The following LOXL3 variants were observed in gnomAD, a reference collection of about 807,000 sequenced individuals.
The protein encoded by LOXL3 is lysyl oxidase like 3, also known as lysyl oxidase homolog 3.
In LOXL3, 60 loss-of-function variants were observed where a neutral mutation model predicts 91.8. That is an observed-to-expected ratio of 0.65 (90% confidence interval 0.53 to 0.81). The LOEUF is 0.81. LOXL3 is among the 30% of genes least tolerant of loss of function. LOXL3 has a pLI of 0.00. For missense variants in LOXL3, 874 were observed against 1,000.4 expected, an observed-to-expected ratio of 0.87 and a Z score of 1.70; for synonymous variants, 355 against 387.6, an observed-to-expected ratio of 0.92 and a Z score of 0.99.
At chr2:74,540,681 T>C (rs1248281029) in intron 4 of LOXL3, among the ~76,000 whole-genome samples, 1 of 146,122 alleles carries the variant, frequency 6.8e-6, no homozygotes, top group African/African-American at 2.6e-5. Context: ...TTTTTTTTGG[T>C]CTTTGAGACA....
chr2:74,554,684 G>A (rs1168260534), upstream of LOXL3: 8 of 1,532,472 alleles, frequency 5.2e-6, no homozygotes, highest in Non-Finnish European at 5.3e-6. This position sits in a 1 kb window ranked among gnomAD's most constrained non-coding sequence, Gnocchi z 4.9. Flanking sequence ...CTCCTCCAGG[G>A]AACCCGGCCC....
chr2:74,542,460 T>C (rs1044777867), intron 4 of LOXL3, among the ~76,000 whole-genome samples: 2 of 152,110 alleles, frequency 1.3e-5, no homozygotes, highest in Admixed American at 6.6e-5. Flanking sequence ...TTCTCAGTCC[T>C]GCATACCATT....
rs1675693960 is a variant in LOXL3 at position 74,532,613 on chromosome 2, T to C, written c.*993A>G. On this transcript the variant is annotated 3_prime_UTR_variant, in exon 14 of 14. Coordinates refer to ENST00000264094, the MANE Select transcript of LOXL3 (RefSeq NM_032603.5). ...TTGGCTAATAGGGTGATCTGTGTACTTTCAGCATCCTTGCTGAACTACAGC... is the reference window on the plus strand; with the variant it reads ...TTGGCTAATAGGGTGATCTGTGTACCTTCAGCATCCTTGCTGAACTACAGC... 1.9e-6 allele frequency: 3 copies of C among 1,612,200 alleles called. No homozygotes were observed. The highest frequency in any genetic ancestry group is 2.5e-6 in the Non-Finnish European group (3 of 1,178,966).
In LOXL3 at chr2:74,535,475, TTC is replaced by T; in HGVS notation, c.1417-23_1417-22del. ...GTCTCCTGGGGACATATGCAGATGTTTCTGTAAGGCCCAGGATCCAGCATCTT... is the reference window on the plus strand; with the variant it reads ...GTCTCCTGGGGACATATGCAGATGTTTGTAAGGCCCAGGATCCAGCATCTT... On this transcript the variant is annotated intron_variant, in intron 8 of 13. Coordinates refer to ENST00000264094, the MANE Select transcript of LOXL3 (RefSeq NM_032603.5). The surrounding 1 kb of genome is among the most constrained non-coding windows in gnomAD (Gnocchi z 4.2). The T allele has an allele frequency of 6.2e-7, 1 of 1,613,458 alleles. No homozygotes were observed. The highest frequency in any genetic ancestry group is 8.5e-7 in the Non-Finnish European group (1 of 1,180,012).
upstream of LOXL3, chr2:74,554,676 C>A: frequency 6.7e-7 from 1 of 1,484,236 alleles, no homozygotes; most frequent in Non-Finnish European, 9.2e-7. This position sits in a 1 kb window ranked among gnomAD's most constrained non-coding sequence, Gnocchi z 4.9. Flanking sequence ...GGCGGAAACT[C>A]CTCCAGGGAA....
Position 74,532,863 on chromosome 2 carries a change from C to G in LOXL3, c.*743G>C. 6.2e-7 allele frequency: 1 copy of G among 1,614,066 alleles called. No homozygotes were observed. Among genetic ancestry groups the G allele is most frequent in the South Asian group, 1.1e-5 (1 of 91,078 alleles). On this transcript the variant is annotated 3_prime_UTR_variant, in exon 14 of 14. Coordinates refer to ENST00000264094, the MANE Select transcript of LOXL3 (RefSeq NM_032603.5). ...TGATGTGATTTTGGCCATTGGGGAG[C>G]AGATGGTACAAAATGCTGAAGATGT...
Position 74,532,508 on chromosome 2 carries a change from G to A in LOXL3, c.*1098C>T. On this transcript the variant is annotated 3_prime_UTR_variant, in exon 14 of 14. Transcript: ENST00000264094. The stretch of plus-strand genomic sequence containing the variant: ...TTGCCATTGTATTTTGTAGTACCTA[G>A]CCCATGTCCTGTCCATATATTTATC... The A allele has an allele frequency of 3.7e-6, 3 of 811,918 alleles. No homozygotes were observed. Among genetic ancestry groups the A allele is most frequent in the Non-Finnish European group, 6.3e-6 (3 of 476,746 alleles). 50.3% of individuals were successfully genotyped at this position (811,918 alleles called of 1,614,324 possible).
chr2:74,532,604 T>C lies in LOXL3; in HGVS notation c.*1002A>G. ...TGCCTGGGTTTGGCTAATAGGGTGA[T>C]CTGTGTACTTTCAGCATCCTTGCTG... On this transcript the variant is annotated 3_prime_UTR_variant, in exon 14 of 14. Coordinates refer to ENST00000264094, the MANE Select transcript of LOXL3 (RefSeq NM_032603.5). 6.2e-7 allele frequency: 1 copy of C among 1,610,542 alleles called. No homozygotes were observed. The highest frequency in any genetic ancestry group is 8.5e-7 in the Non-Finnish European group (1 of 1,177,634).
In LOXL3 at chr2:74,535,229, C is replaced by T; in HGVS notation, c.1579+63G>A. ...GCCCCTCCAGATTACAGCCCCCTTTCCCTGCAAACGGGTGGCCCAGACACT... is the reference window on the plus strand; with the variant it reads ...GCCCCTCCAGATTACAGCCCCCTTTTCCTGCAAACGGGTGGCCCAGACACT... On this transcript the variant is annotated intron_variant, in intron 9 of 13. Transcript: ENST00000264094. This position sits in a 1 kb window ranked among gnomAD's most constrained non-coding sequence, Gnocchi z 4.2. 6.5e-7 allele frequency: 1 copy of T among 1,541,316 alleles called. No individual in the cohort carries two copies. Among genetic ancestry groups the T allele is most frequent in the South Asian group, 1.2e-5 (1 of 81,740 alleles).
intron 4 of LOXL3, among the ~76,000 whole-genome samples, chr2:74,547,482 A>G (rs1397926475): frequency 9.8e-5 from 15 of 152,316 alleles, no homozygotes; most frequent in East Asian, 3.9e-4. Context: ...CAGAGAAGGA[A>G]ATGCAGCCCC....
Position 74,533,939 on chromosome 2 carries a change from T to C in LOXL3, c.2131A>G (p.Met711Val), listed in dbSNP as rs1675820286. The change falls in exon 13 of 14, where the codon ATG becomes GTG. Residue 711 changes from methionine to valine, a missense_variant. Met to Val is a conservative substitution (Grantham distance 21, BLOSUM62 1). Coordinates refer to ENST00000264094, the MANE Select transcript of LOXL3 (RefSeq NM_032603.5). ...VAESDFTNNA[M>V]KCNCKYDGHR... Reference sequence around the variant, plus strand: ...CCATCATATTTGCAGTTACATTTCATTGCATTGTTGGTAAAGTCACTCTCT... The same window carrying C: ...CCATCATATTTGCAGTTACATTTCACTGCATTGTTGGTAAAGTCACTCTCT... The C allele has an allele frequency of 1.9e-6, 3 of 1,614,186 alleles. No individual in the cohort carries two copies. The highest frequency in any genetic ancestry group is 1.7e-6 in the Non-Finnish European group (2 of 1,180,026).
Position 74,535,756 on chromosome 2 carries a change from C to T in LOXL3, c.1249-1G>A. ...GGCTGCGGCCCCCACTGAGTCGGAT[C>T]TGTAGTGACACAGAATGGAAGCGCT... is the stretch of plus-strand genomic sequence containing the variant. On this transcript the variant is annotated splice_acceptor_variant, in intron 7 of 13. Transcript: ENST00000264094. LOFTEE classifies it high-confidence loss of function. The surrounding 1 kb of genome is among the most constrained non-coding windows in gnomAD (Gnocchi z 4.2). 1 of 1,559,370 alleles carries T rather than the reference C, an allele frequency of 6.4e-7. No homozygotes were observed. The highest frequency in any genetic ancestry group is 8.6e-7 in the Non-Finnish European group (1 of 1,160,272).
chr2:74,555,301 T>G, upstream of LOXL3: 1 of 1,613,876 alleles, frequency 6.2e-7, no homozygotes, highest in Non-Finnish European at 8.5e-7. The surrounding 1 kb of genome is among the most constrained non-coding windows in gnomAD (Gnocchi z 6.1). Context: ...TCTGGCTGAG[T>G]GTGTGAGTGT....
chr2:74,538,041 A>G (rs868625900), intron 4 of LOXL3, among the ~76,000 whole-genome samples: 2 of 152,216 alleles, frequency 1.3e-5, no homozygotes, highest in Admixed American at 6.5e-5. Flanking sequence ...CAAAACAGAC[A>G]AAGGAAGCCT....
Position 74,535,472 on chromosome 2 carries a change from T to C in LOXL3, c.1417-18A>G, listed in dbSNP as rs762009154. The stretch of plus-strand genomic sequence containing the variant: ...CAGGTCTCCTGGGGACATATGCAGA[T>C]GTTTCTGTAAGGCCCAGGATCCAGC... On this transcript the variant is annotated intron_variant, in intron 8 of 13. Transcript: ENST00000264094. The surrounding 1 kb of genome is among the most constrained non-coding windows in gnomAD (Gnocchi z 4.2). The C allele has an allele frequency of 1.2e-6, 2 of 1,613,552 alleles. No individual in the cohort carries two copies. Among genetic ancestry groups the C allele is most frequent in the Non-Finnish European group, 1.7e-6 (2 of 1,180,008 alleles).
At position 74,549,734 on chromosome 2, in the gene LOXL3, A is replaced by G; in HGVS notation, c.478-151T>C. 2 of 1,442,642 alleles carry G rather than the reference A, an allele frequency of 1.4e-6. No individual in the cohort carries two copies. The highest frequency in any genetic ancestry group is 9.1e-7 in the Non-Finnish European group (1 of 1,096,542). The allele number at this position is 1,442,642 out of a possible 1,614,324, so 89.4% of individuals were successfully genotyped here. A position where few individuals can be genotyped will look rare whatever the true frequency, so the allele number is the denominator to read the frequency against. ...CTGAGAGAGCGGCCACGATGGCCGCAGTCCGCGGTGTGGACTCTCTTGCAG... is the reference window on the plus strand; with the variant it reads ...CTGAGAGAGCGGCCACGATGGCCGCGGTCCGCGGTGTGGACTCTCTTGCAG... On this transcript the variant is annotated intron_variant, in intron 3 of 13. Coordinates refer to ENST00000264094, the MANE Select transcript of LOXL3 (RefSeq NM_032603.5). The surrounding 1 kb of genome is among the most constrained non-coding windows in gnomAD (Gnocchi z 5.3).
At chr2:74,538,695 T>A (rs1422441400) in intron 4 of LOXL3, among the ~76,000 whole-genome samples, 1 of 152,116 alleles carries the variant, frequency 6.6e-6, no homozygotes, top group Non-Finnish European at 1.5e-5. Context: ...CCATCTCGAG[T>A]AAGCTGGTAG....
At position 74,550,357 on chromosome 2, in the gene LOXL3, G is replaced by T; in HGVS notation, c.314-9C>A. ...GTCCAGCCAGATGCGGCCTGTGGAA[G>T]GGGAGATGAAGGGACAGAGAAGCTT... is the stretch of plus-strand genomic sequence containing the variant. On this transcript the variant is annotated splice_polypyrimidine_tract_variant and intron_variant, in intron 2 of 13. Coordinates refer to ENST00000264094, the MANE Select transcript of LOXL3 (RefSeq NM_032603.5). The T allele has an allele frequency of 1.2e-6, 2 of 1,612,326 alleles. No homozygotes were observed. Among genetic ancestry groups the T allele is most frequent in the Non-Finnish European group, 1.7e-6 (2 of 1,178,996 alleles).
Position 74,534,329 on chromosome 2 carries a change from A to G in LOXL3, c.1926T>C (p.Thr642=). ...GHKASFCLED[T]ECQEDVSKRY... ...TCCCCAACTCACCCTCCTGACACTC[A>G]GTGTCTTCGAGACAGAAACTAGCTT... Residue 642 remains threonine, a synonymous_variant, in exon 11 of 14, where the codon ACT becomes ACC. Coordinates refer to ENST00000264094, the MANE Select transcript of LOXL3 (RefSeq NM_032603.5). 1 of 1,614,192 alleles carries G rather than the reference A, an allele frequency of 6.2e-7. No individual in the cohort carries two copies. Among genetic ancestry groups the G allele is most frequent in the South Asian group, 1.1e-5 (1 of 91,088 alleles).
Sources: allele counts gnomAD v4.1 joint callset (sites outside exome capture counted in the v4.1 genomes callset), GRCh38; gene constraint gnomAD v4.1.1; non-coding constraint Gnocchi (gnomAD v3.1); transcripts MANE v1.5; gene names NCBI Gene and HGNC (gene_info 2026-07-23, HGNC 2026-07-21).